Variants in RNF141 observed in about 807,000 individuals in gnomAD.
RNF141 encodes the protein ring finger protein 141, also known as C3HC4-like zinc finger protein.
A neutral mutation model predicts 27.4 loss-of-function variants in RNF141; 18 were observed. That is an observed-to-expected ratio of 0.66 (90% confidence interval 0.45 to 0.97). The LOEUF (loss-of-function observed/expected upper bound fraction) is 0.97, where lower values mean the gene tolerates loss of function less well. RNF141 is among the 50% of genes least tolerant of loss of function. The pLI, the probability that RNF141 is intolerant of heterozygous loss-of-function variation, is 0.00. For missense variants in RNF141, 230 were observed against 279.4 expected, an observed-to-expected ratio of 0.82 and a Z score of 1.26; for synonymous variants, 97 against 96.6, an observed-to-expected ratio of 1.00 and a Z score of -0.02.
chr11:10,530,151 T>C (rs545901450), intron 3 of RNF141, among the ~76,000 whole-genome samples: 94 of 152,302 alleles, frequency 6.2e-4, no homozygotes, highest in African/African-American at 2.1e-3. Context: ...ATCTACTCAG[T>C]GGTGGTTGAG....
chr11:10,517,625 TGGCACA>T, intron 5 of RNF141: 1 of 151,728 alleles, frequency 6.6e-6, no homozygotes, highest in South Asian at 2.1e-4. Flanking sequence ...AGGGAAAAAA[TGGCACA>T]TTACCTACAG....
intron 1 of RNF141, among the ~76,000 whole-genome samples, chr11:10,540,593 T>G (rs4909942): frequency 0.83 from 125,599 of 152,172 alleles, 52,473 homozygotes; most frequent in Middle Eastern, 0.89. Context: ...AGCCAATTCA[T>G]AAGTGTGGGG....
intron 1 of RNF141, among the ~76,000 whole-genome samples, chr11:10,536,710 C>A (rs539071399): frequency 8.4e-4 from 128 of 152,292 alleles, no homozygotes; most frequent in African/African-American, 3.0e-3. Flanking sequence ...GCAATCCTCC[C>A]GCCTCGGCCT....
intron 4 of RNF141, among the ~76,000 whole-genome samples, chr11:10,522,545 G>A (rs561452083): frequency 6.6e-6 from 1 of 152,300 alleles, no homozygotes; most frequent in Non-Finnish European, 1.5e-5. Context: ...ATCTGGGAAA[G>A]CCTCCAGTAT....
chr11:10,532,819 G>A (rs1384360252), intron 2 of RNF141, among the ~76,000 whole-genome samples: 1 of 152,152 alleles, frequency 6.6e-6, no homozygotes, highest in Non-Finnish European at 1.5e-5. Flanking sequence ...AGTACTGTAA[G>A]TTTATATACT....
intron 2 of RNF141, among the ~76,000 whole-genome samples, chr11:10,532,522 CA>C (rs1849996128): frequency 1.4e-5 from 2 of 146,464 alleles, no homozygotes; most frequent in East Asian, 2.1e-4. Context: ...CACACACACA[CA>C]CACACACACA....
At chr11:10,519,162 T>G in intron 4 of RNF141, 21 bp from the exon 5 acceptor site, 1 of 1,590,262 alleles carries the variant, frequency 6.3e-7, no homozygotes, top group South Asian at 1.1e-5. Context: ...AAAACTGAGC[T>G]GAAACAATTA....
chr11:10,540,807 A>T (rs1311419618), intron 1 of RNF141: 1 of 152,266 alleles, frequency 6.6e-6, no homozygotes, highest in Non-Finnish European at 1.5e-5. Flanking sequence ...GCCGGCGGCA[A>T]TATTCAAACA....
In RNF141 at chr11:10,513,657, C is replaced by G. The variant is rs886686282; in HGVS notation, c.*1259G>C. On this transcript the variant is annotated 3_prime_UTR_variant, in exon 6 of 6. Transcript: ENST00000265981. Reference sequence around the variant, plus strand: ...TTTTCATAAGTATTTTATGTATATACGGTAAAAAAGCCTCACTCTATTTTC... The same window carrying G: ...TTTTCATAAGTATTTTATGTATATAGGGTAAAAAAGCCTCACTCTATTTTC... The G allele has an allele frequency of 1.3e-5, 2 of 150,040 alleles. No individual in the cohort carries two copies. The highest frequency in any genetic ancestry group is 4.9e-5 in the African/African-American group (2 of 40,512). 9.3% of individuals were successfully genotyped at this position (150,040 alleles called of 1,614,324 possible).
intron 3 of RNF141, among the ~76,000 whole-genome samples, chr11:10,526,760 C>T (rs552289907): frequency 4.1e-5 from 6 of 146,372 alleles, no homozygotes; most frequent in South Asian, 2.1e-4. Flanking sequence ...CCAGCCTGGG[C>T]GACAGAGCAA....
chr11:10,527,921 C>G (rs10458930), intron 3 of RNF141, among the ~76,000 whole-genome samples: 97,650 of 151,258 alleles, frequency 0.65, 31,727 homozygotes, highest in East Asian at 0.84. Flanking sequence ...TACAGATTGT[C>G]AGGTGTGAGA....
chr11:10,520,383 G>C (rs560598563), intron 4 of RNF141, among the ~76,000 whole-genome samples: 28 of 151,998 alleles, frequency 1.8e-4, no homozygotes, highest in African/African-American at 6.8e-4. Flanking sequence ...TAAAAACTAA[G>C]ACATAACACA....
intron 5 of RNF141, chr11:10,518,626 A>G (rs1019524608): frequency 6.3e-6 from 1 of 157,698 alleles, no homozygotes; most frequent in African/African-American, 2.4e-5. Context: ...TAAACGCTCA[A>G]GTCTTATTTT....
chr11:10,540,990 G>C (rs889959468), intron 1 of RNF141, 132 bp downstream of exon 1: 32 of 152,342 alleles, frequency 2.1e-4, no homozygotes, highest in African/African-American at 7.2e-4. Context: ...GGGGAGGGCG[G>C]CGGGGCTAGG....
At chr11:10,517,972 G>A (rs1849855969) in intron 5 of RNF141, among the ~76,000 whole-genome samples, 1 of 152,110 alleles carries the variant, frequency 6.6e-6, no homozygotes, top group Non-Finnish European at 1.5e-5. Flanking sequence ...CTTGGGGATA[G>A]ATGTCAAAGA....
At chr11:10,532,021 T>G (rs1469592474) in intron 2 of RNF141, 5 of 453,624 alleles carry the variant, frequency 1.1e-5, no homozygotes, top group South Asian at 7.8e-5. Context: ...CTGTGCTAAA[T>G]AAATAAAAGG....
intron 2 of RNF141, among the ~76,000 whole-genome samples, chr11:10,533,716 A>G (rs1295571025): frequency 2.0e-5 from 3 of 152,072 alleles, no homozygotes; most frequent in East Asian, 3.8e-4. Flanking sequence ...ACAAGAGTCT[A>G]TTGGTATAAA....
chr11:10,535,843 A>G (rs1287925941), intron 1 of RNF141, among the ~76,000 whole-genome samples: 1 of 152,196 alleles, frequency 6.6e-6, no homozygotes, highest in Non-Finnish European at 1.5e-5. Context: ...CATTGTCCTT[A>G]TTTTTCTTGA....
chr11:10,518,825 A>G (rs72859162), intron 5 of RNF141: 6,923 of 427,156 alleles, frequency 0.016, 78 homozygotes, highest in Middle Eastern at 0.041. Context: ...AAAAGTGTCA[A>G]AACTAAGGTA....
Sources: gnomAD v4.1 joint callset for allele counts (sites outside exome capture counted in the v4.1 genomes callset) on GRCh38, gnomAD v4.1.1 for gene constraint, MANE v1.5 for transcripts, NCBI Gene and HGNC (gene_info 2026-07-23, HGNC 2026-07-21) for gene names.